TXNDC5: variants seen among roughly 807,000 people sequenced by gnomAD.
The protein encoded by TXNDC5 is thioredoxin domain-containing protein 5.
In TXNDC5, 44 loss-of-function variants were observed where a neutral mutation model predicts 52.6. That is an observed-to-expected ratio of 0.84 (90% CI 0.66 to 1.08). The LOEUF (loss-of-function observed/expected upper bound fraction) is 1.08, where lower values mean the gene tolerates loss of function less well. Among genes scored for constraint, TXNDC5 ranks in the 50% least tolerant of loss-of-function variants. The pLI, the probability that TXNDC5 is intolerant of heterozygous loss-of-function variation, is 0.00. For missense variants in TXNDC5, 600 were observed against 565.5 expected, an observed-to-expected ratio of 1.06 and a Z score of -0.62; for synonymous variants, 241 against 234.4, an observed-to-expected ratio of 1.03 and a Z score of -0.26.
intron 3 of TXNDC5, 133 bp from the exon 4 acceptor site, chr6:7,895,335 T>TCA: frequency 1.3e-6 from 1 of 743,562 alleles, no homozygotes; most frequent in South Asian, 1.9e-5. Context: ...CCTTGTACGA[T>TCA]GCTGCTGTGC....
At chr6:7,884,187 T>C (rs1443279966) in intron 9 of TXNDC5, among the ~76,000 whole-genome samples, 172 bp downstream of exon 9, 1 of 152,164 alleles carries the variant, frequency 6.6e-6, no homozygotes, top group Admixed American at 6.5e-5. Flanking sequence ...GAAGAATGCC[T>C]TCCCTTTGAG....
intron 1 of TXNDC5, 53 bp downstream of exon 1, chr6:7,910,461 A>C: frequency 7.4e-7 from 1 of 1,347,880 alleles, no homozygotes; most frequent in Non-Finnish European, 9.6e-7. Flanking sequence ...CAAGCGCCCC[A>C]CGCCCCGCGA....
intron 2 of TXNDC5, among the ~76,000 whole-genome samples, chr6:7,903,435 T>C (rs1001240967): frequency 2.0e-5 from 3 of 152,204 alleles, no homozygotes; most frequent in South Asian, 2.1e-4. Context: ...CTAACATGTA[T>C]TGGGTGTGCT....
At chr6:7,906,435 C>T (rs1760731113) in intron 1 of TXNDC5, among the ~76,000 whole-genome samples, 1 of 147,176 alleles carries the variant, frequency 6.8e-6, no homozygotes, top group African/African-American at 2.5e-5. Flanking sequence ...ACTCAGGAGG[C>T]TGAGGCAGGA....
intron 5 of TXNDC5, 133 bp from the exon 6 acceptor site, chr6:7,889,714 GT>G (rs1373120890): frequency 6.0e-6 from 4 of 661,700 alleles, no homozygotes; most frequent in Non-Finnish European, 1.0e-5. Flanking sequence ...TGCCAGCAAG[GT>G]GCAGTTTTTG....
chr6:7,885,440 C>T (rs555929910), intron 8 of TXNDC5, among the ~76,000 whole-genome samples: 1 of 152,164 alleles, frequency 6.6e-6, no homozygotes, highest in Non-Finnish European at 1.5e-5. Flanking sequence ...ACCTGCAATC[C>T]ATTTCTGCTC....
chr6:7,885,201 G>A (rs935595009), intron 8 of TXNDC5, among the ~76,000 whole-genome samples: 1 of 152,172 alleles, frequency 6.6e-6, no homozygotes, highest in African/African-American at 2.4e-5. Context: ...AGGAACATGT[G>A]GAGTGTAACA....
At chr6:7,901,263 C>G (rs1760557900) in intron 2 of TXNDC5, among the ~76,000 whole-genome samples, 2 of 152,166 alleles carry the variant, frequency 1.3e-5, no homozygotes. Flanking sequence ...AGCCTGGCAC[C>G]TCCCCAGGCT....
chr6:7,885,508 C>A (rs1257389395), intron 8 of TXNDC5, among the ~76,000 whole-genome samples: 1 of 152,202 alleles, frequency 6.6e-6, no homozygotes, highest in Non-Finnish European at 1.5e-5. Context: ...TACTGAATGG[C>A]TCTAACAGAC....
At chr6:7,891,346 A>T (rs748564406) in intron 5 of TXNDC5, among the ~76,000 whole-genome samples, 1 of 152,170 alleles carries the variant, frequency 6.6e-6, no homozygotes, top group Non-Finnish European at 1.5e-5. Flanking sequence ...ATCTCTTTGC[A>T]GAACGGGCTC....
At chr6:7,901,531 A>C (rs1313980532) in intron 2 of TXNDC5, among the ~76,000 whole-genome samples, 1 of 152,188 alleles carries the variant, frequency 6.6e-6, no homozygotes, top group Non-Finnish European at 1.5e-5. Context: ...AATCGTTCTA[A>C]CCTGCCCAGG....
intron 2 of TXNDC5, 52 bp from the exon 3 acceptor site, chr6:7,899,733 G>C (rs1260204018): frequency 1.4e-6 from 2 of 1,459,332 alleles, no homozygotes; most frequent in African/African-American, 2.8e-5. Context: ...TGTCTTATCA[G>C]AGAGCAAACT....
chr6:7,897,829 A>C (rs1441104422), intron 3 of TXNDC5, among the ~76,000 whole-genome samples: 2 of 152,206 alleles, frequency 1.3e-5, no homozygotes, highest in African/African-American at 2.4e-5. Context: ...ACTCCTCCTT[A>C]AAATTGGTTT....
rs1279788651 is a variant in TXNDC5 at position 7,889,595 on chromosome 6, C to A, written c.733-14G>T. The A allele has an allele frequency of 1.9e-6, 3 of 1,596,466 alleles. No homozygotes were observed. On this transcript the variant is annotated splice_polypyrimidine_tract_variant and intron_variant, in intron 5 of 9. Transcript: ENST00000379757. ...TGTACAATCAACCTGAGAATAAAAG[C>A]AGATCAACTTCCCAGTCAGTTTCTT...
Position 7,888,714 on chromosome 6 carries a change from C to G in TXNDC5, c.954G>C (p.Glu318Asp), listed in dbSNP as rs1349367224. 6.2e-7 allele frequency: 1 copy of G among 1,611,220 alleles called. No individual in the cohort carries two copies. The highest frequency in any genetic ancestry group is 2.2e-5 in the East Asian group (1 of 44,856). Residue 318 changes from glutamate to aspartate, a missense_variant, in exon 7 of 10, where the codon GAG becomes GAC. Transcript: ENST00000379757. The part of the protein sequence containing the change: ...SEAPVLAAEP[E>D]ADKGTVLALT... The stretch of plus-strand genomic sequence containing the variant: ...TCCAGCAGGCACCCACCTTGTCAGC[C>G]TCGGGCTCAGCTGCCAGCACCGGGG...
chr6:7,898,063 GTTTT>G (rs879525922), intron 3 of TXNDC5, among the ~76,000 whole-genome samples: 1 of 144,780 alleles, frequency 6.9e-6, no homozygotes, highest in Non-Finnish European at 1.5e-5. Context: ...AGTTCAGAGA[GTTTT>G]TTTTTTTTTT....
intron 7 of TXNDC5, among the ~76,000 whole-genome samples, chr6:7,888,359 G>A (rs1008865598): frequency 5.3e-5 from 8 of 152,078 alleles, no homozygotes; most frequent in African/African-American, 1.9e-4. Context: ...GCCAGCAGTC[G>A]AGATTTCATA....
intron 9 of TXNDC5, 64 bp downstream of exon 9, chr6:7,884,295 C>G: frequency 6.3e-7 from 1 of 1,598,154 alleles, no homozygotes; most frequent in African/African-American, 1.3e-5. Flanking sequence ...GTGGTTGAGG[C>G]ACAGTTCCCT....
chr6:7,905,814 G>A (rs957733034), intron 1 of TXNDC5, among the ~76,000 whole-genome samples: 6 of 152,110 alleles, frequency 3.9e-5, no homozygotes, highest in Admixed American at 1.3e-4. Flanking sequence ...TTGCTGTATC[G>A]CTTTTTAAAA....
Sources: gnomAD v4.1 joint callset for allele counts (sites outside exome capture counted in the v4.1 genomes callset) on GRCh38, gnomAD v4.1.1 for gene constraint, MANE v1.5 for transcripts, NCBI Gene and HGNC (gene_info 2026-07-23, HGNC 2026-07-21) for gene names.